IRF8: variants seen among roughly 807,000 people sequenced by gnomAD.
The protein encoded by IRF8 is interferon regulatory factor 8, also known as interferon consensus sequence binding protein 1.
In IRF8, 14 loss-of-function variants were observed where a neutral mutation model predicts 48.7. That is an observed-to-expected ratio of 0.29 (90% CI 0.19 to 0.45). The LOEUF (loss-of-function observed/expected upper bound fraction) is 0.45, where lower values mean the gene tolerates loss of function less well. Among genes scored for constraint, IRF8 ranks in the 20% least tolerant of loss-of-function variants. The probability of loss-of-function intolerance (pLI) is 1.00; values close to 1 mark genes in which losing one functional copy is unlikely to be tolerated. For missense variants in IRF8, 493 were observed against 580.7 expected (o/e 0.85, Z 1.55); for synonymous variants, 278 against 227.3 (o/e 1.22, Z -2.01).
At chr16:85,918,898 T>A in intron 7 of IRF8, 95 bp downstream of exon 7, 1 of 1,451,612 alleles carries the variant, frequency 6.9e-7, no homozygotes, top group Non-Finnish European at 9.5e-7. Context: ...TGTGGTCTCA[T>A]GGAGGGATGT....
Position 85,921,124 on chromosome 16 carries a change from C to T in IRF8, c.1123C>T (p.Arg375Trp), listed in dbSNP as rs774733201. The change falls in exon 9 of 9, where the codon CGG becomes TGG. Residue 375 changes from arginine to tryptophan, a missense_variant. Around this residue, in one of 3 missense-constraint regions of IRF8, gnomAD observed 408 missense variants for 449.6 expected, o/e 0.91. Transcript: ENST00000268638. ...ILVQIEQLYV[R>W]QLAEEAGKSC... ...CATCTAGATTGAGCAGCTGTATGTCCGGCAACTGGCAGAAGAGGCTGGGAA... is the reference window on the plus strand; with the variant it reads ...CATCTAGATTGAGCAGCTGTATGTCTGGCAACTGGCAGAAGAGGCTGGGAA... The T allele has an allele frequency of 5.6e-6, 9 of 1,613,468 alleles. No homozygotes were observed. Among genetic ancestry groups the T allele is most frequent in the African/African-American group, 2.7e-5 (2 of 74,900 alleles).
chr16:85,906,096 G>A (rs1369414145), intron 2 of IRF8, among the ~76,000 whole-genome samples: 2 of 152,218 alleles, frequency 1.3e-5, no homozygotes, highest in Admixed American at 6.5e-5. Flanking sequence ...ATGATTCATG[G>A]TTATTCCAGG....
In IRF8 at chr16:85,922,025, T is replaced by G. The variant is rs1423897221; in HGVS notation, c.*743T>G. ...TCATTCCAGATACCTCTTTTCTTCTTTCCAAATGGTTTTCACATGTGTTTG... is the reference window on the plus strand; with the variant it reads ...TCATTCCAGATACCTCTTTTCTTCTGTCCAAATGGTTTTCACATGTGTTTG... On this transcript the variant is annotated 3_prime_UTR_variant, in exon 9 of 9. Transcript: ENST00000268638. The G allele has an allele frequency of 6.6e-6, 1 of 152,430 alleles. No homozygotes were observed. The highest frequency in any genetic ancestry group is 1.5e-5 in the Non-Finnish European group (1 of 68,086). The allele number at this position is 152,430 out of a possible 1,614,324, so 9.4% of individuals were successfully genotyped here.
chr16:85,908,626 ATATGCAACT>A (rs1905065670), intron 2 of IRF8, among the ~76,000 whole-genome samples: 1 of 152,248 alleles, frequency 6.6e-6, no homozygotes, highest in African/African-American at 2.4e-5. Flanking sequence ...TGGTGAAACC[ATATGCAACT>A]TCCTCTTTGT....
At chr16:85,903,258 G>A in intron 2 of IRF8, 69 bp downstream of exon 2, 2 of 1,370,712 alleles carry the variant, frequency 1.5e-6, no homozygotes, top group South Asian at 1.2e-5. Context: ...TAGTGGAGAT[G>A]TTGAGTGACA....
At position 85,911,947 on chromosome 16, in the gene IRF8, C is replaced by G. The variant is rs411909; in HGVS notation, c.447+289C>G. 6.1e-3 allele frequency among the ~76,000 whole-genome samples: 925 copies of G among 152,346 alleles called. 17 individuals carry two copies. The highest frequency in any genetic ancestry group is 0.021 in the African/African-American group (871 of 41,586). On this transcript the variant is annotated intron_variant, in intron 4 of 8. Coordinates refer to ENST00000268638, the MANE Select transcript of IRF8 (RefSeq NM_002163.4). ...CAGTGAAGTTCCTTCCAGCTCCAAA[C>G]TGTTCGAACACTTTGGACAGCAGTC...
intron 6 of IRF8, among the ~76,000 whole-genome samples, chr16:85,915,350 G>C (rs949049216): frequency 1.3e-5 from 2 of 152,244 alleles, no homozygotes; most frequent in African/African-American, 4.8e-5. Context: ...GAACGTTAGG[G>C]CTGGGCCTCT....
chr16:85,915,971 A>G (rs1905291199), intron 6 of IRF8, among the ~76,000 whole-genome samples: 1 of 152,166 alleles, frequency 6.6e-6, no homozygotes, highest in Non-Finnish European at 1.5e-5. Context: ...CTTACCTGGA[A>G]AATGGGTATA....
intron 2 of IRF8, among the ~76,000 whole-genome samples, chr16:85,904,824 T>TTTTTTTTC (rs1904945489): frequency 6.7e-6 from 1 of 148,290 alleles, no homozygotes; most frequent in Admixed American, 6.7e-5. Context: ...TTTTTTTTTT[T>TTTTTTTTC]TTTTTTTTGC....
At chr16:85,900,280 C>T (rs147435141) in intron 1 of IRF8, among the ~76,000 whole-genome samples, 1 of 152,180 alleles carries the variant, frequency 6.6e-6, no homozygotes, top group East Asian at 1.9e-4. Flanking sequence ...CCTCTTATCA[C>T]GTCCCTCCTG....
At chr16:85,907,731 C>A in intron 2 of IRF8, among the ~76,000 whole-genome samples, 1 of 152,148 alleles carries the variant, frequency 6.6e-6, no homozygotes, top group Non-Finnish European at 1.5e-5. Context: ...AAGACAGCTA[C>A]CGAGACCCAA....
chr16:85,903,333 A>G (rs1904888940), intron 2 of IRF8, 144 bp downstream of exon 2: 1 of 763,048 alleles, frequency 1.3e-6, no homozygotes, highest in African/African-American at 1.7e-5. Flanking sequence ...AGGAGTGCTG[A>G]ATGTGTCTCA....
chr16:85,904,043 A>T (rs1904912000), intron 2 of IRF8, among the ~76,000 whole-genome samples: 1 of 152,224 alleles, frequency 6.6e-6, no homozygotes, highest in African/African-American at 2.4e-5. Context: ...CAGCTGGGCT[A>T]TCGAATCCCT....
At chr16:85,909,298 T>C in intron 3 of IRF8, 125 bp downstream of exon 3, 1 of 775,616 alleles carries the variant, frequency 1.3e-6, no homozygotes, top group Non-Finnish European at 2.2e-6. Context: ...ACAAAGCAGT[T>C]CTCTCCTTCG....
intron 6 of IRF8, among the ~76,000 whole-genome samples, chr16:85,914,843 G>A (rs1291989564): frequency 1.3e-5 from 2 of 151,018 alleles, no homozygotes; most frequent in East Asian, 3.9e-4. Flanking sequence ...TGTGGAAGTC[G>A]AGGCCCCAAT....
At chr16:85,914,615 G>A in intron 6 of IRF8, 95 bp downstream of exon 6, 2 of 1,408,782 alleles carry the variant, frequency 1.4e-6, no homozygotes, top group East Asian at 2.3e-5. Context: ...AGGATGAGCA[G>A]GACCTGGTGT....
chr16:85,902,156 G>T (rs896695354), intron 1 of IRF8, among the ~76,000 whole-genome samples: 1 of 152,110 alleles, frequency 6.6e-6, no homozygotes, highest in Non-Finnish European at 1.5e-5. Flanking sequence ...GAGGAGCCCA[G>T]TGAACTTTGC....
chr16:85,899,594 A>C (rs1904760640), intron 1 of IRF8, among the ~76,000 whole-genome samples: 1 of 152,324 alleles, frequency 6.6e-6, no homozygotes, highest in Admixed American at 6.5e-5. Context: ...ACCACGTGGA[A>C]TAATGCTTGG....
chr16:85,920,203 C>T lies in IRF8; in HGVS notation c.1083C>T (p.Arg361=), dbSNP rs372502998. Residue 361 remains arginine, a synonymous_variant, in exon 8 of 9, where the codon CGC becomes CGT. Transcript: ENST00000268638. ...AGTTTCCGGATATGGCCCCCTTGCG[C>T]TCCAAACTCATTCTCGTGCAGGTAA... The part of the protein sequence containing the change: ...GEEFPDMAPL[R]SKLILVQIEQ... 5.7e-6 allele frequency: 9 copies of T among 1,590,964 alleles called. No individual in the cohort carries two copies. The highest frequency in any genetic ancestry group is 7.8e-6 in the Non-Finnish European group (9 of 1,160,268).
Sources: allele counts gnomAD v4.1 joint callset (sites outside exome capture counted in the v4.1 genomes callset), GRCh38; gene constraint gnomAD v4.1.1; regional missense constraint gnomAD v4.1.1; transcripts MANE v1.5; gene names NCBI Gene and HGNC (gene_info 2026-07-23, HGNC 2026-07-21).